CFAP299: variants seen among roughly 807,000 people sequenced by gnomAD.
The protein encoded by CFAP299 is cilia and flagella associated protein 299, also known as cilia- and flagella-associated protein 299.
Under a neutral mutation model 27.0 loss-of-function variants are expected in CFAP299, and 21 were observed. The ratio of observed to expected loss-of-function variants is 0.78; its 90% confidence interval spans 0.55 to 1.12. The LOEUF (loss-of-function observed/expected upper bound fraction) is 1.12, where lower values mean the gene tolerates loss of function less well. CFAP299 is among the 50% of genes most tolerant of loss of function. The pLI is 0.00. For synonymous variants in CFAP299, 104 were observed against 98.1 expected, an observed-to-expected ratio of 1.06 and a Z score of -0.36; for missense variants, 310 against 276.6, an observed-to-expected ratio of 1.12 and a Z score of -0.86.
intron 2 of CFAP299, among the ~76,000 whole-genome samples, chr4:80,444,338 C>G (rs1281949436): frequency 1.3e-5 from 2 of 152,008 alleles, no homozygotes; most frequent in Non-Finnish European, 2.9e-5. Context: ...GATATATAGG[C>G]CAATGGAACA....
chr4:80,680,289 C>T lies in CFAP299; in HGVS notation c.333+97106C>T, dbSNP rs188588014. 3.5e-4 allele frequency among the ~76,000 whole-genome samples: 53 copies of T among 152,220 alleles called. No individual in the cohort carries two copies. In the East Asian group the frequency reaches 6.4e-3, roughly 18 times the overall value. ...TTGACAGTAACAGTCAACCTCTGGA[C>T]GAAATCTTAATTTCCATTTAAATAA... is the stretch of plus-strand genomic sequence containing the variant. On this transcript the variant is annotated intron_variant, in intron 3 of 5. Transcript: ENST00000358105.
intron 4 of CFAP299, among the ~76,000 whole-genome samples, chr4:80,944,305 C>A (rs1353079464): frequency 6.7e-6 from 1 of 149,208 alleles, no homozygotes; most frequent in Non-Finnish European, 1.5e-5. Flanking sequence ...TAGATCACAT[C>A]ACGTTTGGCT....
At chr4:80,833,952 A>G (rs557734234) in intron 3 of CFAP299, among the ~76,000 whole-genome samples, 1 of 152,354 alleles carries the variant, frequency 6.6e-6, no homozygotes, top group Admixed American at 6.5e-5. Flanking sequence ...AATCACTGGC[A>G]TATGACAGTA....
intron 2 of CFAP299, among the ~76,000 whole-genome samples, chr4:80,491,630 T>C (rs77705237): frequency 4.6e-5 from 7 of 152,168 alleles, no homozygotes; most frequent in Non-Finnish European, 1.0e-4. Context: ...ATTTTTTTTT[T>C]CTTGCCCAAA....
At chr4:80,448,445 A>T (rs553846763) in intron 2 of CFAP299, among the ~76,000 whole-genome samples, 4 of 152,202 alleles carry the variant, frequency 2.6e-5, no homozygotes, top group Non-Finnish European at 5.9e-5. Context: ...ATGCTATTTA[A>T]TATAATACTA....
intron 3 of CFAP299, among the ~76,000 whole-genome samples, chr4:80,606,832 A>C (rs1737703931): frequency 6.6e-6 from 1 of 152,050 alleles, no homozygotes; most frequent in African/African-American, 2.4e-5. Flanking sequence ...GCTTTTTAAA[A>C]AAAAATTTCA....
intron 2 of CFAP299, among the ~76,000 whole-genome samples, chr4:80,434,096 A>G (rs1414308840): frequency 6.6e-6 from 1 of 152,176 alleles, no homozygotes; most frequent in African/African-American, 2.4e-5. Flanking sequence ...TTATATTAAA[A>G]TTTGTATTTT....
intron 2 of CFAP299, among the ~76,000 whole-genome samples, chr4:80,465,793 T>G (rs528367536): frequency 6.6e-6 from 1 of 152,294 alleles, no homozygotes; most frequent in East Asian, 1.9e-4. Context: ...TCCTCAACAT[T>G]TTAACACTCT....
chr4:80,359,357 A>T (rs899651405), intron 1 of CFAP299, among the ~76,000 whole-genome samples: 1 of 151,980 alleles, frequency 6.6e-6, no homozygotes, highest in Non-Finnish European at 1.5e-5. Flanking sequence ...TGAATTTTAA[A>T]ATTGTCCCCT....
At chr4:80,795,011 C>T (rs1727772075) in intron 3 of CFAP299, among the ~76,000 whole-genome samples, 1 of 152,096 alleles carries the variant, frequency 6.6e-6, no homozygotes, top group Admixed American at 6.5e-5. Flanking sequence ...CCACCATGGC[C>T]ACTTTGTTCA....
rs751709301 is a variant in CFAP299 at position 80,853,435 on chromosome 4, T to C, written c.334-16558T>C. On this transcript the variant is annotated intron_variant, in intron 3 of 5. Transcript: ENST00000358105. ...CAAGGCAAAGCCATAGCACCTGGAA[T>C]GTATATGCTACTTTTGTTAGAGAGA... 1.2e-4 allele frequency among the ~76,000 whole-genome samples: 18 copies of C among 152,314 alleles called. 1 individual carries two copies. The highest frequency in any genetic ancestry group is 4.1e-4 in the African/African-American group (17 of 41,576).
intron 4 of CFAP299, among the ~76,000 whole-genome samples, chr4:80,938,903 C>T (rs2110225842): frequency 6.6e-6 from 1 of 152,244 alleles, no homozygotes; most frequent in South Asian, 2.1e-4. Context: ...TTATGGATAG[C>T]TTTGCCAAGT....
intron 3 of CFAP299, among the ~76,000 whole-genome samples, chr4:80,651,469 G>A (rs1412138682): frequency 1.3e-5 from 2 of 150,098 alleles, no homozygotes; most frequent in Non-Finnish European, 3.0e-5. Context: ...GGGTTTAAGT[G>A]ATCCTCCCAC....
At chr4:80,759,133 T>G (rs1725414737) in intron 3 of CFAP299, among the ~76,000 whole-genome samples, 1 of 152,196 alleles carries the variant, frequency 6.6e-6, no homozygotes, top group Non-Finnish European at 1.5e-5. Context: ...CTTATTTTTT[T>G]CCAGCATGGT....
At chr4:80,619,397 C>A (rs1029464463) in intron 3 of CFAP299, among the ~76,000 whole-genome samples, 6 of 151,974 alleles carry the variant, frequency 3.9e-5, no homozygotes, top group African/African-American at 1.5e-4. Context: ...TCTGATTGTG[C>A]CACATGAAAT....
chr4:80,862,224 G>T (rs1418092788), intron 3 of CFAP299, among the ~76,000 whole-genome samples: 1 of 151,990 alleles, frequency 6.6e-6, no homozygotes, highest in African/African-American at 2.4e-5. Flanking sequence ...ACAAAAATTA[G>T]CTTGGAGCAG....
intron 5 of CFAP299, among the ~76,000 whole-genome samples, chr4:80,952,224 A>C (rs1186507585): frequency 1.3e-5 from 2 of 152,344 alleles, no homozygotes; most frequent in Non-Finnish European, 2.9e-5. Flanking sequence ...TTCAGTAAAC[A>C]TCTGCGGGAT....
intron 3 of CFAP299, among the ~76,000 whole-genome samples, chr4:80,725,555 T>C (rs1310410171): frequency 6.6e-6 from 1 of 152,184 alleles, no homozygotes; most frequent in Non-Finnish European, 1.5e-5. Context: ...TGGAGAAGCA[T>C]GTAATTAGTT....
At chr4:80,404,710 C>T (rs1237018524) in intron 2 of CFAP299, among the ~76,000 whole-genome samples, 1 of 152,142 alleles carries the variant, frequency 6.6e-6, no homozygotes, top group Non-Finnish European at 1.5e-5. Context: ...TTGCTTCTAT[C>T]TTTTGGCCTT....
Sources: allele counts gnomAD v4.1 joint callset (sites outside exome capture counted in the v4.1 genomes callset), GRCh38; gene constraint gnomAD v4.1.1; transcripts MANE v1.5; gene names NCBI Gene and HGNC (gene_info 2026-07-23, HGNC 2026-07-21).